Variants in PACSIN2 observed in about 807,000 individuals in gnomAD.
PACSIN2 encodes protein kinase C and casein kinase substrate in neurons 2.
A neutral mutation model predicts 63.8 loss-of-function variants in PACSIN2; 25 were observed. The observed-to-expected ratio is 0.39, with a 90% confidence interval of 0.29 to 0.55. The LOEUF is 0.55. Among genes scored for constraint, PACSIN2 ranks in the 20% least tolerant of loss-of-function variants. PACSIN2 has a pLI of 0.62. For synonymous variants in PACSIN2, 255 were observed against 256.2 expected (o/e 1.00, Z 0.05); for missense variants, 518 against 646.9 (o/e 0.80, Z 2.16).
At chr22:43,005,090 G>C (rs911520608) in intron 1 of PACSIN2, among the ~76,000 whole-genome samples, 1 of 152,226 alleles carries the variant, frequency 6.6e-6, no homozygotes, top group African/African-American at 2.4e-5. Context: ...GTACTGTGTG[G>C]AAAACAAGGA....
chr22:42,873,381 C>A (rs1386037520), intron 10 of PACSIN2, among the ~76,000 whole-genome samples: 1 of 151,882 alleles, frequency 6.6e-6, no homozygotes, highest in East Asian at 1.9e-4. Context: ...AAAAAAAATC[C>A]AAAAAAACAA....
At chr22:42,995,186 G>C (rs1009312630) in intron 1 of PACSIN2, among the ~76,000 whole-genome samples, 4 of 152,242 alleles carry the variant, frequency 2.6e-5, no homozygotes, top group African/African-American at 4.8e-5. Context: ...TCTATAAAGT[G>C]AGCTGACTGC....
At chr22:42,972,074 A>G (rs1285821647) in intron 1 of PACSIN2, among the ~76,000 whole-genome samples, 1 of 152,160 alleles carries the variant, frequency 6.6e-6, no homozygotes, top group Admixed American at 6.5e-5. Flanking sequence ...GGGGGGGGAA[A>G]TGTGGGGAAA....
intron 1 of PACSIN2, among the ~76,000 whole-genome samples, chr22:42,942,936 T>C (rs1482835380): frequency 6.6e-6 from 1 of 152,218 alleles, no homozygotes; most frequent in African/African-American, 2.4e-5. Context: ...GGCTTGTTGC[T>C]TTGGGATTTT....
intron 1 of PACSIN2, among the ~76,000 whole-genome samples, chr22:42,971,888 G>A (rs1305754498): frequency 1.7e-4 from 26 of 151,220 alleles, no homozygotes; most frequent in Admixed American, 4.6e-4. Context: ...CGTTCGGGAG[G>A]TGGGGGGCAG....
chr22:42,901,837 C>G (rs538944393), intron 2 of PACSIN2, among the ~76,000 whole-genome samples: 17 of 152,340 alleles, frequency 1.1e-4, no homozygotes, highest in Admixed American at 3.9e-4. Context: ...ACATTCGACT[C>G]TGGTTCCATG....
intron 1 of PACSIN2, among the ~76,000 whole-genome samples, chr22:42,979,867 G>A (rs1219348223): frequency 6.6e-6 from 1 of 152,104 alleles, no homozygotes; most frequent in African/African-American, 2.4e-5. Context: ...GCTGAAACAC[G>A]TTTGTCTGCA....
intron 1 of PACSIN2, among the ~76,000 whole-genome samples, chr22:43,005,489 A>T (rs1054329832): frequency 9.8e-5 from 15 of 152,302 alleles, no homozygotes; most frequent in African/African-American, 3.6e-4. Flanking sequence ...GTGGGGAGAA[A>T]GACAGGCCCT....
At chr22:42,936,859 C>T (rs762980563) in intron 1 of PACSIN2, among the ~76,000 whole-genome samples, 6 of 142,252 alleles carry the variant, frequency 4.2e-5, no homozygotes, top group South Asian at 2.2e-4. Flanking sequence ...TGCAGTGAGC[C>T]GAGATCATGC....
At chr22:42,958,179 G>A (rs1392585698) in intron 1 of PACSIN2, among the ~76,000 whole-genome samples, 2 of 151,860 alleles carry the variant, frequency 1.3e-5, no homozygotes, top group Non-Finnish European at 2.9e-5. Flanking sequence ...AAAGAGTAAT[G>A]AGTCTCATGA....
At chr22:42,928,430 C>A (rs1386046006) in intron 1 of PACSIN2, among the ~76,000 whole-genome samples, 1 of 152,224 alleles carries the variant, frequency 6.6e-6, no homozygotes, top group East Asian at 1.9e-4. Context: ...CCTCACATAG[C>A]TTCTAATTTC....
chr22:42,908,425 C>T (rs1054065356), intron 2 of PACSIN2, among the ~76,000 whole-genome samples: 1 of 152,236 alleles, frequency 6.6e-6, no homozygotes, highest in Admixed American at 6.5e-5. Context: ...AGCCCCAAGG[C>T]TCACAGCCCA....
chr22:42,975,113 C>T (rs1034637853), intron 1 of PACSIN2, among the ~76,000 whole-genome samples: 4 of 152,208 alleles, frequency 2.6e-5, no homozygotes, highest in African/African-American at 9.7e-5. Flanking sequence ...TTCTGACACT[C>T]ACATCACCCT....
At chr22:43,003,628 T>G (rs1013141801) in intron 1 of PACSIN2, among the ~76,000 whole-genome samples, 1 of 152,100 alleles carries the variant, frequency 6.6e-6, no homozygotes, top group Admixed American at 6.5e-5. Context: ...AAAACAAATA[T>G]CTGCTCTAAT....
intron 1 of PACSIN2, among the ~76,000 whole-genome samples, chr22:42,926,972 G>A (rs1237564666): frequency 1.3e-5 from 2 of 152,138 alleles, no homozygotes; most frequent in African/African-American, 4.8e-5. Context: ...TCCTGTTCAG[G>A]AGAACCTCTG....
intron 10 of PACSIN2, among the ~76,000 whole-genome samples, chr22:42,873,972 T>A (rs1303511960): frequency 1.3e-5 from 2 of 152,060 alleles, no homozygotes; most frequent in African/African-American, 4.8e-5. Context: ...TATTTTTTAA[T>A]AGAGGCAGGG....
chr22:42,942,139 T>A (rs2146805797), intron 1 of PACSIN2, among the ~76,000 whole-genome samples: 1 of 149,330 alleles, frequency 6.7e-6, no homozygotes, highest in Non-Finnish European at 1.5e-5. Flanking sequence ...ATTTTTTTGG[T>A]AGAGACAGGG....
At chr22:42,988,013 T>TC (rs2146898428) in intron 1 of PACSIN2, among the ~76,000 whole-genome samples, 1 of 152,024 alleles carries the variant, frequency 6.6e-6, no homozygotes, top group South Asian at 2.1e-4. Flanking sequence ...TGATGGCACA[T>TC]CCCTGTAGTC....
At chr22:42,889,373 T>TTTACACACACACACAC (rs1555909669) in intron 4 of PACSIN2, among the ~76,000 whole-genome samples, 1 of 122,424 alleles carries the variant, frequency 8.2e-6, no homozygotes, top group Admixed American at 8.5e-5. Flanking sequence ...TAATGGTTTT[T>TTTACACACACACACAC]ACACACACAC....
Sources: gnomAD v4.1 joint callset for allele counts (sites outside exome capture counted in the v4.1 genomes callset) on GRCh38, gnomAD v4.1.1 for gene constraint, MANE v1.5 for transcripts, NCBI Gene and HGNC (gene_info 2026-07-23, HGNC 2026-07-21) for gene names.